IGSF9B: variants seen among roughly 807,000 people sequenced by gnomAD.
IGSF9B encodes immunoglobulin superfamily member 9B, also known as protein turtle homolog B.
Under a neutral mutation model 143.7 loss-of-function variants are expected in IGSF9B, and 48 were observed. The observed-to-expected ratio is 0.33, with a 90% CI of 0.26 to 0.42. IGSF9B has a LOEUF of 0.42. Among genes scored for constraint, IGSF9B ranks in the 20% least tolerant of loss-of-function variants. IGSF9B has a pLI of 1.00. For missense variants in IGSF9B, 1,706 were observed against 1,980.0 expected (o/e 0.86, Z 2.63); for synonymous variants, 903 against 833.1 (o/e 1.08, Z -1.44).
At chr11:133,939,663 G>A (rs750384782) in intron 3 of IGSF9B, among the ~76,000 whole-genome samples, 10 of 152,270 alleles carry the variant, frequency 6.6e-5, no homozygotes, top group Admixed American at 2.0e-4. Flanking sequence ...CAGTGCAAGC[G>A]CAGCAGGGGC....
Position 133,931,223 on chromosome 11 carries a change from AC to A in IGSF9B, c.1369-90del. 1 of 1,363,044 alleles carries A rather than the reference AC, an allele frequency of 7.3e-7. No individual in the cohort carries two copies. 84.4% of individuals were successfully genotyped at this position (1,363,044 alleles called of 1,614,324 possible). A position where few individuals can be genotyped will look rare whatever the true frequency, so the allele number is the denominator to read the frequency against. ...AGCAGATGGGGAGGACGCGCCTGAGACCCCGGCCCGCCCACGCTGCCCTCCT... is the reference window on the plus strand; with the variant it reads ...AGCAGATGGGGAGGACGCGCCTGAGACCCGGCCCGCCCACGCTGCCCTCCT... On this transcript the variant is annotated intron_variant, in intron 10 of 19. Coordinates refer to ENST00000533871, the MANE Select transcript of IGSF9B (RefSeq NM_001277285.4). The surrounding 1 kb of genome is among the most constrained non-coding windows in gnomAD (Gnocchi z 7.7).
rs746669087 is a variant in IGSF9B, at chr11:133,920,222, G to C, written c.3503C>G (p.Thr1168Ser). The change falls in exon 18 of 20, where the codon ACC (threonine) becomes AGC (serine). Residue 1168 changes from threonine to serine, a missense_variant. Coordinates refer to ENST00000533871, the MANE Select transcript of IGSF9B (RefSeq NM_001277285.4). Reference protein sequence around the residue: ...HGGPSTFGLDTRWYEPQPRPR... With the variant: ...HGGPSTFGLDSRWYEPQPRPR... ...CCGGGGCTGGGGCTCATACCACCGG[G>C]TGTCCAGGCCAAATGTGCTGGGGCC... 4 of 1,515,630 alleles carry C rather than the reference G, an allele frequency of 2.6e-6. No homozygotes were observed. Among genetic ancestry groups the C allele is most frequent in the African/African-American group, 2.8e-5 (2 of 71,714 alleles). 93.9% of individuals were successfully genotyped at this position (1,515,630 alleles called of 1,614,324 possible). A position where few individuals can be genotyped will look rare whatever the true frequency, so the allele number is the denominator to read the frequency against.
Position 133,906,021 on chromosome 11 carries a change from G to A in IGSF9B, c.*3048C>T, listed in dbSNP as rs1367979812. Among the ~76,000 whole-genome samples, 1 of 152,252 alleles carries A rather than the reference G, an allele frequency of 6.6e-6. No homozygotes were observed. The highest frequency in any genetic ancestry group is 1.9e-4 in the East Asian group (1 of 5,204). ...AGCCATGATGCTGAAGAGGCAGACA[G>A]ACATCTGAGACACAGAAGCAGGTTT... On this transcript the variant is annotated 3_prime_UTR_variant, in exon 20 of 20. Coordinates refer to ENST00000533871, the MANE Select transcript of IGSF9B (RefSeq NM_001277285.4).
chr11:133,930,346 C>T (rs1262531828), intron 11 of IGSF9B, among the ~76,000 whole-genome samples: 1 of 152,126 alleles, frequency 6.6e-6, no homozygotes, highest in Non-Finnish European at 1.5e-5. Flanking sequence ...AACCCCAGCT[C>T]GCACCTCCCG....
intron 18 of IGSF9B, among the ~76,000 whole-genome samples, chr11:133,918,505 G>A (rs1355929911): frequency 6.6e-6 from 1 of 152,124 alleles, no homozygotes; most frequent in Non-Finnish European, 1.5e-5. Context: ...CAGAGACAGG[G>A]CGGCCGCGGC....
rs1188272621 is a variant in IGSF9B at position 133,919,747 on chromosome 11, A to C, written c.3978T>G (p.Thr1326=). ...GGAAGAGGCGGCGCACTCACCCTGA[A>C]GTAGGTAACGTGGGTGGTGGGGTCT... The part of the protein sequence containing the change: ...RPETPPPTLP[T]SGTLPPAPGN... The change falls in exon 18 of 20, where the codon ACT becomes ACG. Residue 1326 remains threonine (T), a synonymous_variant. Transcript: ENST00000533871. The C allele has an allele frequency of 6.9e-7, 1 of 1,452,516 alleles. No individual in the cohort carries two copies. The allele number at this position is 1,452,516 out of a possible 1,614,324, so 90.0% of individuals were successfully genotyped here.
Position 133,948,159 on chromosome 11 carries a change from G to A in IGSF9B, c.65-1901C>T, listed in dbSNP as rs867295750. 7.9e-5 allele frequency among the ~76,000 whole-genome samples: 12 copies of A among 151,524 alleles called. No homozygotes were observed. The highest frequency in any genetic ancestry group is 1.5e-4 in the Non-Finnish European group (10 of 67,940). On this transcript the variant is annotated intron_variant, in intron 1 of 19. Transcript: ENST00000533871. The surrounding 1 kb of genome is among the most constrained non-coding windows in gnomAD (Gnocchi z 4.7). The stretch of plus-strand genomic sequence containing the variant: ...CTGCTTCTCTGTATGCAAGGGCTCC[G>A]TCTCTGCATGTATGTACTTCTGTGT...
Position 133,920,464 on chromosome 11 carries a change from C to G in IGSF9B, c.3261G>C (p.Val1087=). 3.8e-6 allele frequency: 6 copies of G among 1,567,160 alleles called. No individual in the cohort carries two copies. Among genetic ancestry groups the G allele is most frequent in the Non-Finnish European group, 5.2e-6 (6 of 1,156,032 alleles). ...ACAGGATGCCCGGGTAGGCCGCGGG[C>G]ACCTGCAGGGAGGTGGGGGGCAGTC... ...PRGLPPTSLQ[V]PAAYPGILSL... Residue 1087 remains valine, a synonymous_variant, in exon 18 of 20, where the codon GTG becomes GTC. Transcript: ENST00000533871.
Position 133,938,247 on chromosome 11 carries a change from C to T in IGSF9B, c.410-286G>A, listed in dbSNP as rs144491947. ...GGGTGGCCCTTACAAACACTGCCTG[C>T]TCCCAGCTCCTCAGGCTTTGCTACC... On this transcript the variant is annotated intron_variant, in intron 3 of 19. Transcript: ENST00000533871. 2,318 of 340,302 alleles carry T rather than the reference C, an allele frequency of 6.8e-3. 22 individuals are homozygous for T. Among genetic ancestry groups the T allele is most frequent in the Middle Eastern group, 0.04 (46 of 1,150 alleles). The allele number at this position is 340,302 out of a possible 1,614,324, so 21.1% of individuals were successfully genotyped here. A position where few individuals can be genotyped will look rare whatever the true frequency, so the allele number is the denominator to read the frequency against.
chr11:133,931,957 C>T lies in IGSF9B; in HGVS notation c.1110+114G>A, dbSNP rs1363769837. 6 of 1,499,418 alleles carry T rather than the reference C, an allele frequency of 4.0e-6. No individual in the cohort carries two copies. Among genetic ancestry groups the T allele is most frequent in the Non-Finnish European group, 5.4e-6 (6 of 1,115,616 alleles). The allele number at this position is 1,499,418 out of a possible 1,614,324, so 92.9% of individuals were successfully genotyped here. On this transcript the variant is annotated intron_variant, in intron 8 of 19. Transcript: ENST00000533871. The surrounding 1 kb of genome is among the most constrained non-coding windows in gnomAD (Gnocchi z 7.7). Reference sequence around the variant, plus strand: ...CCCTACAGAAGCAGCTCTCTGTTTGCCCAGGGCTTTTGGAAGGGGCCAGGA... The same window carrying T: ...CCCTACAGAAGCAGCTCTCTGTTTGTCCAGGGCTTTTGGAAGGGGCCAGGA...
In IGSF9B at chr11:133,937,898, G is replaced by T; in HGVS notation, c.473C>A (p.Thr158Asn). 1 of 1,612,904 alleles carries T rather than the reference G, an allele frequency of 6.2e-7. No homozygotes were observed. Among genetic ancestry groups the T allele is most frequent in the Non-Finnish European group, 8.5e-7 (1 of 1,179,450 alleles). The change falls in exon 4 of 20, where the codon ACC (threonine) becomes AAC (asparagine). Residue 158 changes from threonine (T) to asparagine (N), a missense_variant. Thr to Asn is a moderately conservative substitution (Grantham distance 65). Coordinates refer to ENST00000533871, the MANE Select transcript of IGSF9B (RefSeq NM_001277285.4). ...YIEAKEGGSI[T>N]MTCTAFGNPK... ...GTTCCCAAAAGCTGTGCAGGTCATG[G>T]TGATACTACCACCCTCCTTGGCCTC...
Position 133,896,602 on chromosome 11 carries a change from C to T in IGSF9B, c.*12467G>A, listed in dbSNP as rs1441774043. 2 of 152,132 alleles carry T rather than the reference C, an allele frequency of 1.3e-5. No homozygotes were observed. The highest frequency in any genetic ancestry group is 2.9e-5 in the Non-Finnish European group (2 of 68,030). The allele number at this position is 152,132 out of a possible 1,614,324, so 9.4% of individuals were successfully genotyped here. A position where few individuals can be genotyped will look rare whatever the true frequency, so the allele number is the denominator to read the frequency against. On this transcript the variant is annotated 3_prime_UTR_variant, in exon 20 of 20. Coordinates refer to ENST00000533871, the MANE Select transcript of IGSF9B (RefSeq NM_001277285.4). ...CATCTCATCATTTGATGTGTGCCTT[C>T]TTTTTTCTCATTTGCTTATGCACGT... is the stretch of plus-strand genomic sequence containing the variant.
Position 133,930,981 on chromosome 11 carries a change from T to G in IGSF9B, c.1519+3A>C. On this transcript the variant is annotated splice_donor_region_variant and intron_variant, in intron 11 of 19. Coordinates refer to ENST00000533871, the MANE Select transcript of IGSF9B (RefSeq NM_001277285.4). ...GCCCGGCCCAGCCTTGCCGGCCACG[T>G]ACCGATGACGGTGAGGTGGGTGCTG... 6.2e-7 allele frequency: 1 copy of G among 1,608,740 alleles called. No individual in the cohort carries two copies. Among genetic ancestry groups the G allele is most frequent in the Non-Finnish European group, 8.5e-7 (1 of 1,177,188 alleles).
rs1939596297 is a variant in IGSF9B, at chr11:133,924,811, C to T, written c.2119+9G>A. 10 of 1,612,952 alleles carry T rather than the reference C, an allele frequency of 6.2e-6. No individual in the cohort carries two copies. Among genetic ancestry groups the T allele is most frequent in the Non-Finnish European group, 8.5e-6 (10 of 1,179,158 alleles). On this transcript the variant is annotated intron_variant, in intron 15 of 19. Transcript: ENST00000533871. ...CTATAGTTGCAAGAGCACCCTCAACCCAAAATACCTGTGCTGGAGACGCCG... is the reference window on the plus strand; with the variant it reads ...CTATAGTTGCAAGAGCACCCTCAACTCAAAATACCTGTGCTGGAGACGCCG...
rs150026774 is a variant in IGSF9B at position 133,927,253 on chromosome 11, C to A, written c.1632-162G>T. Among the ~76,000 whole-genome samples, 1,072 of 152,378 alleles carry A rather than the reference C, an allele frequency of 7.0e-3. 16 individuals are homozygous for A. The highest frequency in any genetic ancestry group is 0.025 in the African/African-American group (1,049 of 41,594). ...CATGGCCCAGAGTGGATGCCCTGCC[C>A]AGCTTTGGCTGTGCCAATCCTCCTG... On this transcript the variant is annotated intron_variant, in intron 12 of 19. Coordinates refer to ENST00000533871, the MANE Select transcript of IGSF9B (RefSeq NM_001277285.4).
rs1940025118 is a variant in IGSF9B at position 133,945,254 on chromosome 11, T to C, written c.262+807A>G. The stretch of plus-strand genomic sequence containing the variant: ...CTCCTCCTCGTCCTGATGCTGGCAA[T>C]CTGCCTAAAAACTAGACTCTCAAAG... On this transcript the variant is annotated intron_variant, in intron 2 of 19. Coordinates refer to ENST00000533871, the MANE Select transcript of IGSF9B (RefSeq NM_001277285.4). The surrounding 1 kb of genome is among the most constrained non-coding windows in gnomAD (Gnocchi z 4.6). Among the ~76,000 whole-genome samples the C allele has an allele frequency of 6.6e-6, 1 of 152,156 alleles. No individual in the cohort carries two copies.
rs60607018 is a variant in IGSF9B at position 133,939,953 on chromosome 11, C to T, written c.410-1992G>A. Among the ~76,000 whole-genome samples, 42 of 147,352 alleles carry T rather than the reference C, an allele frequency of 2.9e-4. No homozygotes were observed. The East Asian group carries it at 3.5e-3, about 12-fold the overall frequency. The stretch of plus-strand genomic sequence containing the variant: ...TCATCACATGCAAAAACACACACCT[C>T]GCATGTCCTCGCATGCGTCATCACA... On this transcript the variant is annotated intron_variant, in intron 3 of 19. Coordinates refer to ENST00000533871, the MANE Select transcript of IGSF9B (RefSeq NM_001277285.4).
chr11:133,931,920 G>GCAC lies in IGSF9B; in HGVS notation c.1111-128_1111-126dup. The GCAC allele has an allele frequency of 6.7e-7, 1 of 1,491,440 alleles. No individual in the cohort carries two copies. The highest frequency in any genetic ancestry group is 9.0e-7 in the Non-Finnish European group (1 of 1,109,104). 92.4% of individuals were successfully genotyped at this position (1,491,440 alleles called of 1,614,324 possible). A position where few individuals can be genotyped will look rare whatever the true frequency, so the allele number is the denominator to read the frequency against. Reference sequence around the variant, plus strand: ...CAGGAGCTCCAGCCCGGGGCGGGCGGCACCCGCAGACCCCTACAGAAGCAG... The same window carrying GCAC: ...CAGGAGCTCCAGCCCGGGGCGGGCGGCACCACCCGCAGACCCCTACAGAAGCAG... On this transcript the variant is annotated intron_variant, in intron 8 of 19. Transcript: ENST00000533871. This position sits in a 1 kb window ranked among gnomAD's most constrained non-coding sequence, Gnocchi z 7.7.
chr11:133,917,036 G>A (rs1197812257), intron 18 of IGSF9B, among the ~76,000 whole-genome samples: 4 of 152,182 alleles, frequency 2.6e-5, no homozygotes, highest in Non-Finnish European at 5.9e-5. Flanking sequence ...TCTTTATGGA[G>A]GCCACTCTTA....
Sources: allele counts gnomAD v4.1 joint callset (sites outside exome capture counted in the v4.1 genomes callset), GRCh38; gene constraint gnomAD v4.1.1; non-coding constraint Gnocchi (gnomAD v3.1); transcripts MANE v1.5; gene names NCBI Gene and HGNC (gene_info 2026-07-23, HGNC 2026-07-21).